The following GPC5 variants were observed in gnomAD, a reference collection of about 807,000 sequenced individuals.
GPC5 encodes glypican-5.
A neutral mutation model predicts 53.9 loss-of-function variants in GPC5; 47 were observed. The observed-to-expected ratio is 0.87, with a 90% CI of 0.69 to 1.11. The LOEUF (loss-of-function observed/expected upper bound fraction) is 1.11. Among genes scored for constraint, GPC5 ranks in the 50% most tolerant of loss-of-function variants. The pLI, the probability that GPC5 is intolerant of heterozygous loss-of-function variation, is 0.00. For synonymous variants in GPC5, 286 were observed against 263.3 expected (o/e 1.09, Z -0.84); for missense variants, 748 against 713.1 (o/e 1.05, Z -0.56).
chr13:92,055,522 A>AT (rs2041067487), intron 6 of GPC5, among the ~76,000 whole-genome samples: 1 of 152,130 alleles, frequency 6.6e-6, no homozygotes, highest in South Asian at 2.1e-4. Context: ...TCTTTTGAGG[A>AT]TTTTCTATAA....
chr13:92,385,339 T>TATATATAC lies in GPC5; in HGVS notation c.1561+240374_1561+240381dup, dbSNP rs1364713975. ...ATATATACATATATACATATATACA[T>TATATATAC]ATATATACATATATACATATATACA... On this transcript the variant is annotated intron_variant, in intron 7 of 7. Transcript: ENST00000377067. Among the ~76,000 whole-genome samples, 154 of 115,166 alleles carry TATATATAC rather than the reference T, an allele frequency of 1.3e-3. 13 individuals are homozygous for TATATATAC. The Middle Eastern group carries it at 0.014, about 10-fold the overall frequency. The allele number at this position is 115,166 out of a possible 152,430, so 75.6% of individuals were successfully genotyped here.
intron 7 of GPC5, among the ~76,000 whole-genome samples, chr13:92,846,859 A>G (rs1389345570): frequency 6.6e-6 from 1 of 152,218 alleles, no homozygotes; most frequent in African/African-American, 2.4e-5. Context: ...ACTGTAGATT[A>G]TTATTTAGAA....
chr13:92,213,221 G>A (rs958644961), intron 7 of GPC5, among the ~76,000 whole-genome samples: 3 of 152,170 alleles, frequency 2.0e-5, no homozygotes, highest in Non-Finnish European at 2.9e-5. Context: ...GTTGCCTAAT[G>A]TAAATTGTAC....
chr13:92,415,906 G>A (rs1369576101), intron 7 of GPC5, among the ~76,000 whole-genome samples: 2 of 152,180 alleles, frequency 1.3e-5, no homozygotes, highest in African/African-American at 4.8e-5. Context: ...GAATTTGCCA[G>A]ACACATTTTT....
At chr13:92,403,306 G>A (rs1875641382) in intron 7 of GPC5, among the ~76,000 whole-genome samples, 1 of 152,104 alleles carries the variant, frequency 6.6e-6, no homozygotes, top group Admixed American at 6.6e-5. Context: ...AAGCAACTTG[G>A]AACCCATTAG....
At chr13:92,193,133 C>A (rs1278044899) in intron 7 of GPC5, among the ~76,000 whole-genome samples, 3 of 151,968 alleles carry the variant, frequency 2.0e-5, no homozygotes, top group Non-Finnish European at 4.4e-5. Flanking sequence ...CGAGATGGCG[C>A]CACTGCACTC....
chr13:92,164,759 A>C (rs1319496748), intron 7 of GPC5, among the ~76,000 whole-genome samples: 4 of 152,168 alleles, frequency 2.6e-5, no homozygotes, highest in African/African-American at 9.7e-5. Context: ...TCCCTTCCAC[A>C]GTGTCCTAGC....
At position 91,716,780 on chromosome 13, in the gene GPC5, C is replaced by G. The variant is rs115830077; in HGVS notation, c.1021-11752C>G. Among the ~76,000 whole-genome samples, 731 of 152,268 alleles carry G rather than the reference C, an allele frequency of 4.8e-3. 4 individuals carry two copies. Among genetic ancestry groups the G allele is most frequent in the African/African-American group, 0.017 (694 of 41,542 alleles). ...AAAACTTACAAGGTCTCCATGCGAT[C>G]AGAAGGAAGGCATGATATTATATTT... On this transcript the variant is annotated intron_variant, in intron 3 of 7. Coordinates refer to ENST00000377067, the MANE Select transcript of GPC5 (RefSeq NM_004466.6).
intron 2 of GPC5, among the ~76,000 whole-genome samples, chr13:91,576,738 A>G (rs910032419): frequency 3.9e-5 from 6 of 152,184 alleles, no homozygotes; most frequent in African/African-American, 1.4e-4. Context: ...TCTTAAAGGC[A>G]TATGGCTAAG....
chr13:92,208,854 A>C (rs961680961), intron 7 of GPC5, among the ~76,000 whole-genome samples: 1 of 152,360 alleles, frequency 6.6e-6, no homozygotes, highest in African/African-American at 2.4e-5. Flanking sequence ...ATTGACACAG[A>C]GAATGCTGCA....
intron 7 of GPC5, among the ~76,000 whole-genome samples, chr13:92,507,952 AT>A (rs1232543926): frequency 2.0e-5 from 3 of 152,064 alleles, no homozygotes; most frequent in African/African-American, 7.2e-5. Context: ...TATTTAATTA[AT>A]TTAATTAATT....
chr13:92,368,731 T>C (rs1434592825), intron 7 of GPC5, among the ~76,000 whole-genome samples: 2 of 151,858 alleles, frequency 1.3e-5, no homozygotes, highest in Non-Finnish European at 2.9e-5. Context: ...TTTGTGATAG[T>C]TTTGAATAGT....
At chr13:91,549,611 G>T (rs924697524) in intron 2 of GPC5, among the ~76,000 whole-genome samples, 1 of 152,104 alleles carries the variant, frequency 6.6e-6, no homozygotes, top group Admixed American at 6.6e-5. Context: ...CCTTACCAGA[G>T]ACTTCAACAA....
intron 1 of GPC5, among the ~76,000 whole-genome samples, chr13:91,404,198 T>G (rs1877155821): frequency 6.6e-6 from 1 of 152,220 alleles, no homozygotes; most frequent in South Asian, 2.1e-4. Context: ...AAGAACACTT[T>G]CTAAATCTAC....
At chr13:92,864,088 A>T (rs1400940432) in intron 7 of GPC5, among the ~76,000 whole-genome samples, 3 of 152,216 alleles carry the variant, frequency 2.0e-5, no homozygotes, top group African/African-American at 7.2e-5. Context: ...TATGAAAATA[A>T]TCATTGCATC....
rs528145536 is a variant in GPC5, at chr13:92,279,285, C to A, written c.1561+134296C>A. On this transcript the variant is annotated intron_variant, in intron 7 of 7. Coordinates refer to ENST00000377067, the MANE Select transcript of GPC5 (RefSeq NM_004466.6). ...GTATTGTTTCCGCTTTGGATGCTAT[C>A]ATAAATGGAATTTTCTTAATTTCTG... Among the ~76,000 whole-genome samples, 25 of 152,080 alleles carry A rather than the reference C, an allele frequency of 1.6e-4. 1 individual carries two copies. In the South Asian group the frequency reaches 5.2e-3, roughly 32 times the overall value.
chr13:92,181,899 G>C (rs1050964143), intron 7 of GPC5, among the ~76,000 whole-genome samples: 1 of 152,174 alleles, frequency 6.6e-6, no homozygotes, highest in Non-Finnish European at 1.5e-5. Flanking sequence ...TTGAACAGAA[G>C]ATTTAAAGGA....
In GPC5 at chr13:91,693,654, G is replaced by A. The variant is rs2139813956; in HGVS notation, c.793G>A (p.Ala265Thr). 6.2e-7 allele frequency: 1 copy of A among 1,614,080 alleles called. No individual in the cohort carries two copies. Among genetic ancestry groups the A allele is most frequent in the South Asian group, 1.1e-5 (1 of 91,084 alleles). Residue 265 changes from alanine to threonine, a missense_variant, in exon 3 of 8, where the codon GCG becomes ACG. By Grantham distance (58) the Ala-to-Thr change is moderately conservative. Coordinates refer to ENST00000377067, the MANE Select transcript of GPC5 (RefSeq NM_004466.6). ...MQYCPHCQGL[A>T]LTKPCMGYCL... ...ATACTGCCCGCACTGCCAAGGCCTG[G>A]CGCTCACTAAGCCTTGTATGGGATA...
At chr13:92,023,137 A>C (rs2138793623) in intron 6 of GPC5, among the ~76,000 whole-genome samples, 1 of 152,230 alleles carries the variant, frequency 6.6e-6, no homozygotes, top group South Asian at 2.1e-4. Flanking sequence ...TAAGTTTTCC[A>C]AGAAATTTTC....
Sources: allele counts gnomAD v4.1 joint callset (sites outside exome capture counted in the v4.1 genomes callset), GRCh38; gene constraint gnomAD v4.1.1; transcripts MANE v1.5; gene names NCBI Gene and HGNC (gene_info 2026-07-23, HGNC 2026-07-21).